The following SMPD4 variants were observed in gnomAD, a reference collection of about 807,000 sequenced individuals.
SMPD4 encodes neutral sphingomyelinase 3.
SMPD4 carries 58 observed loss-of-function variants against 97.8 expected under a neutral mutation model. The observed-to-expected ratio is 0.59, with a 90% CI of 0.48 to 0.74. The LOEUF (loss-of-function observed/expected upper bound fraction) is 0.74, where lower values mean the gene tolerates loss of function less well. SMPD4 is among the 30% of genes least tolerant of loss of function. The probability of loss-of-function intolerance (pLI) is 0.00; values close to 1 mark genes in which losing one functional copy is unlikely to be tolerated. For missense variants in SMPD4, 853 were observed against 1,080.5 expected (o/e 0.79, Z 2.95); for synonymous variants, 388 against 450.0 (o/e 0.86, Z 1.74).
At chr2:130,157,743 C>A (rs1257310401) in intron 11 of SMPD4, 7 of 334,756 alleles carry the variant, frequency 2.1e-5, no homozygotes, top group Non-Finnish European at 4.0e-5. Context: ...CAGGCTGTGC[C>A]CTTGGGCGCT....
chr2:130,152,075 T>G lies in SMPD4; in HGVS notation c.*480A>C, dbSNP rs1014180956. ...GGTTTTCTCACAACTCTAGAAACTT[T>G]GATTCTTTCCTGGAGTGGAGACTTA... On this transcript the variant is annotated 3_prime_UTR_variant, in exon 20 of 20. Transcript: ENST00000680298. The G allele has an allele frequency of 1.9e-4, 29 of 155,334 alleles. No homozygotes were observed. Among genetic ancestry groups the G allele is most frequent in the Non-Finnish European group, 3.9e-4 (27 of 69,972 alleles). 9.6% of individuals were successfully genotyped at this position (155,334 alleles called of 1,614,324 possible).
At chr2:130,159,119 C>T (rs1324374757) in intron 11 of SMPD4, among the ~76,000 whole-genome samples, 4 of 152,194 alleles carry the variant, frequency 2.6e-5, no homozygotes, top group Admixed American at 2.0e-4. Flanking sequence ...CTCAGCCTCC[C>T]GGGTAGCTGG....
At position 130,153,922 on chromosome 2, in the gene SMPD4, G is replaced by A. The variant is rs1421684716; in HGVS notation, c.1673C>T (p.Ala558Val). The change falls in exon 17 of 20, where the codon GCT becomes GTT. Residue 558 changes from alanine (A) to valine (V), a missense_variant. Ala to Val is a moderately conservative substitution (Grantham distance 64). Coordinates refer to ENST00000680298, the MANE Select transcript of SMPD4 (RefSeq NM_017951.5). Reference protein sequence around the residue: ...PEARTLVLRLAQLITQAKHTA... With the variant: ...PEARTLVLRLVQLITQAKHTA... ...GTGTTTGGCCTGTGTGATGAGCTGAGCGAGGCGCAGGACCTGCAAGGGAGG... is the reference window on the plus strand; with the variant it reads ...GTGTTTGGCCTGTGTGATGAGCTGAACGAGGCGCAGGACCTGCAAGGGAGG... 3 of 1,613,584 alleles carry A rather than the reference G, an allele frequency of 1.9e-6. No individual in the cohort carries two copies.
At chr2:130,179,692 G>T (rs533312681) in intron 1 of SMPD4, among the ~76,000 whole-genome samples, 1 of 150,620 alleles carries the variant, frequency 6.6e-6, no homozygotes, top group South Asian at 2.1e-4. Flanking sequence ...GTCTCGCTCC[G>T]TTGCCAAGCT....
chr2:130,156,884 G>A (rs1034851184), intron 12 of SMPD4: 5 of 1,374,226 alleles, frequency 3.6e-6, no homozygotes, highest in Middle Eastern at 5.0e-4. Context: ...GCAGGCGGCC[G>A]AGTCAGCACA....
At chr2:130,173,436 A>T in intron 4 of SMPD4, 78 bp downstream of exon 4, 1 of 1,591,754 alleles carries the variant, frequency 6.3e-7, no homozygotes, top group Non-Finnish European at 8.6e-7. Flanking sequence ...CTTAATCTTG[A>T]GAAATTCAGA....
At chr2:130,173,849 G>A (rs952347802) in intron 3 of SMPD4, among the ~76,000 whole-genome samples, 193 bp from the exon 4 acceptor site, 7 of 152,128 alleles carry the variant, frequency 4.6e-5, no homozygotes, top group Non-Finnish European at 5.9e-5. Flanking sequence ...CGTTCTTCCA[G>A]TGGGGTACAT....
In SMPD4 at chr2:130,152,636, C is replaced by T. The variant is rs771096170; in HGVS notation, c.2403G>A (p.Thr801=). 11 of 1,559,054 alleles carry T rather than the reference C, an allele frequency of 7.1e-6. No individual in the cohort carries two copies. The highest frequency in any genetic ancestry group is 4.1e-5 in the African/African-American group (3 of 73,562). The change falls in exon 20 of 20, where the codon ACG becomes ACA. Residue 801 remains threonine (T), a synonymous_variant. Transcript: ENST00000680298. ...GGACATAGCCCAGGGTGAGCAGCAG[C>T]GTGCATGGGAGGGGCCCGACGCAGA... is the stretch of plus-strand genomic sequence containing the variant. ...SLFCVGPLPC[T]LLLTLGYVLY...
At chr2:130,167,018 G>A (rs1178907572) in intron 9 of SMPD4, among the ~76,000 whole-genome samples, 1 of 152,234 alleles carries the variant, frequency 6.6e-6, no homozygotes. Flanking sequence ...TTTTCTAAAT[G>A]TCACAGCAGG....
rs1377487616 is a variant in SMPD4 at position 130,151,431 on chromosome 2, C to T, written c.*1124G>A. 2 of 151,792 alleles carry T rather than the reference C, an allele frequency of 1.3e-5. No individual in the cohort carries two copies. The highest frequency in any genetic ancestry group is 4.8e-5 in the African/African-American group (2 of 41,242). The allele number at this position is 151,792 out of a possible 1,614,324, so 9.4% of individuals were successfully genotyped here. On this transcript the variant is annotated 3_prime_UTR_variant, in exon 20 of 20. Coordinates refer to ENST00000680298, the MANE Select transcript of SMPD4 (RefSeq NM_017951.5). ...ACTCAGAAGCAAGGACATGTTTATT[C>T]AGATCCATGGTCGTTACAAGCTTCA...
At chr2:130,153,544 C>T in intron 17 of SMPD4, 94 bp from the exon 18 acceptor site, 1 of 1,586,878 alleles carries the variant, frequency 6.3e-7, no homozygotes, top group Non-Finnish European at 8.6e-7. Context: ...AACAAGGGGA[C>T]CCAGCTATGA....
chr2:130,153,867 C>T lies in SMPD4; in HGVS notation c.1728G>A (p.Ala576=), dbSNP rs139907010. Residue 576 remains alanine, a synonymous_variant, in exon 17 of 20, where the codon GCG becomes GCA. Coordinates refer to ENST00000680298, the MANE Select transcript of SMPD4 (RefSeq NM_017951.5). ...HTAKSISDQC[A]ESPAGHSFLS... ...GGAAGGAGTGGCCAGCCGGGCTCTC[C>T]GCACACTGGTCGGAGATGGACTTGG... is the stretch of plus-strand genomic sequence containing the variant. 183 of 1,613,772 alleles carry T rather than the reference C, an allele frequency of 1.1e-4. No homozygotes were observed. Among genetic ancestry groups the T allele is most frequent in the African/African-American group, 2.7e-4 (20 of 74,930 alleles).
chr2:130,166,438 G>A (rs1258945035), intron 9 of SMPD4, among the ~76,000 whole-genome samples: 2 of 151,674 alleles, frequency 1.3e-5, no homozygotes, highest in African/African-American at 4.8e-5. Context: ...GGTCCACACA[G>A]CCAAGAGCCA....
At position 130,162,807 on chromosome 2, in the gene SMPD4, G is replaced by A. The variant is rs144793334; in HGVS notation, c.865-1535C>T. ...ACTCCCACCCACCAAGTTTTCTTGC[G>A]TTTTGTGTTTTGCCTGAACTGGAAG... On this transcript the variant is annotated intron_variant, in intron 10 of 19. Coordinates refer to ENST00000680298, the MANE Select transcript of SMPD4 (RefSeq NM_017951.5). Among the ~76,000 whole-genome samples the A allele has an allele frequency of 1.9e-3, 292 of 152,342 alleles. 1 individual carries two copies. Among genetic ancestry groups the A allele is most frequent in the African/African-American group, 6.7e-3 (280 of 41,570 alleles).
Position 130,161,255 on chromosome 2 carries a change from G to A in SMPD4, c.882C>T (p.Tyr294=). The part of the protein sequence containing the change: ...SPHAKLEVLH[Y]RLSVSSALYS... ...AGAGGGCGCTGGAGACACTGAGTCG[G>A]TAGTGCAGAACCTCCAGCTGAGATA... The change falls in exon 11 of 20, where the codon TAC becomes TAT. Residue 294 remains tyrosine (Y), a synonymous_variant. Coordinates refer to ENST00000680298, the MANE Select transcript of SMPD4 (RefSeq NM_017951.5). 6.2e-7 allele frequency: 1 copy of A among 1,613,988 alleles called. No individual in the cohort carries two copies. Among genetic ancestry groups the A allele is most frequent in the Non-Finnish European group, 8.5e-7 (1 of 1,179,960 alleles).
chr2:130,170,417 C>T (rs1214787130), intron 8 of SMPD4, among the ~76,000 whole-genome samples: 7 of 137,798 alleles, frequency 5.1e-5, no homozygotes, highest in Admixed American at 2.3e-4. Context: ...GCAGAGACAG[C>T]GCCACTGCAC....
intron 8 of SMPD4, among the ~76,000 whole-genome samples, chr2:130,169,652 C>T (rs1442391760): frequency 1.3e-5 from 2 of 151,840 alleles, no homozygotes; most frequent in African/African-American, 4.8e-5. Flanking sequence ...TGCTCCTGGG[C>T]ACAAGTGATC....
chr2:130,172,270 A>C, intron 8 of SMPD4, 79 bp downstream of exon 8: 1 of 1,417,472 alleles, frequency 7.1e-7, no homozygotes, highest in Non-Finnish European at 9.4e-7. Context: ...AAGGGTGGCA[A>C]CATTGTCCCC....
At chr2:130,165,472 G>C (rs1687847576) in intron 9 of SMPD4, among the ~76,000 whole-genome samples, 1 of 151,422 alleles carries the variant, frequency 6.6e-6, no homozygotes, top group South Asian at 2.1e-4. Context: ...TGTCTACTGA[G>C]AGATGAATGA....
Sources: allele counts gnomAD v4.1 joint callset (sites outside exome capture counted in the v4.1 genomes callset), GRCh38; gene constraint gnomAD v4.1.1; transcripts MANE v1.5; gene names NCBI Gene and HGNC (gene_info 2026-07-23, HGNC 2026-07-21).